Variants in RAPGEF5 observed in about 807,000 individuals in gnomAD.
RAPGEF5 encodes M-Ras-regulated GEF.
Under a neutral mutation model 125.2 loss-of-function variants are expected in RAPGEF5, and 65 were observed. That is an observed-to-expected ratio of 0.52 (90% CI 0.43 to 0.64). RAPGEF5 has a LOEUF of 0.64. Ranked by LOEUF, RAPGEF5 falls within the 30% of genes least tolerant of loss-of-function variation. RAPGEF5 has a pLI of 0.00. For synonymous variants in RAPGEF5, 391 were observed against 385.9 expected (o/e 1.01, Z -0.16); for missense variants, 958 against 1,048.1 (o/e 0.91, Z 1.19).
chr7:22,149,424 C>T (rs1351370760), intron 18 of RAPGEF5, among the ~76,000 whole-genome samples: 5 of 152,220 alleles, frequency 3.3e-5, no homozygotes, highest in Non-Finnish European at 7.3e-5. Flanking sequence ...GAGTTCCAGA[C>T]ACAATCGCAA....
intron 1 of RAPGEF5, among the ~76,000 whole-genome samples, chr7:22,345,037 C>T (rs1784196425): frequency 6.6e-6 from 1 of 152,182 alleles, no homozygotes. Context: ...GATGATTGGG[C>T]CCTGTCCATG....
intron 6 of RAPGEF5, among the ~76,000 whole-genome samples, chr7:22,287,711 A>G (rs1782829994): frequency 6.6e-6 from 1 of 152,192 alleles, no homozygotes; most frequent in South Asian, 2.1e-4. Context: ...CTTTCTGCAC[A>G]CACTATCACC....
intron 7 of RAPGEF5, among the ~76,000 whole-genome samples, chr7:22,258,285 C>T (rs1438085104): frequency 6.6e-6 from 1 of 152,112 alleles, no homozygotes; most frequent in Non-Finnish European, 1.5e-5. Context: ...CAATACTTAA[C>T]GTAAAGGTAC....
At chr7:22,171,407 G>C (rs1322415713) in intron 11 of RAPGEF5, among the ~76,000 whole-genome samples, 1 of 152,132 alleles carries the variant, frequency 6.6e-6, no homozygotes, top group East Asian at 1.9e-4. Flanking sequence ...TTAACACTCT[G>C]AGTAAAAAAA....
intron 20 of RAPGEF5, among the ~76,000 whole-genome samples, chr7:22,144,475 G>A (rs1428429402): frequency 1.3e-5 from 2 of 152,198 alleles, no homozygotes; most frequent in Non-Finnish European, 2.9e-5. Flanking sequence ...GGTGCAAGTG[G>A]CCATTCCTGG....
chr7:22,345,260 A>G (rs1238649275), intron 1 of RAPGEF5, among the ~76,000 whole-genome samples: 1 of 152,210 alleles, frequency 6.6e-6, no homozygotes, highest in Non-Finnish European at 1.5e-5. Context: ...CTTCAGCAGG[A>G]TACCAATTGT....
At chr7:22,245,529 G>C (rs1234945019) in intron 7 of RAPGEF5, among the ~76,000 whole-genome samples, 1 of 151,876 alleles carries the variant, frequency 6.6e-6, no homozygotes, top group Admixed American at 6.6e-5. Flanking sequence ...TCTTCTGCTT[G>C]AGGATATCCA....
intron 25 of RAPGEF5, chr7:22,125,250 C>T (rs762411493): frequency 1.6e-5 from 3 of 192,184 alleles, no homozygotes; most frequent in Admixed American, 1.2e-4. Flanking sequence ...GCAAGGTCAC[C>T]CCTGCTAAAC....
chr7:22,128,788 T>G (rs1782826014), intron 24 of RAPGEF5, among the ~76,000 whole-genome samples: 1 of 152,238 alleles, frequency 6.6e-6, no homozygotes, highest in Non-Finnish European at 1.5e-5. Flanking sequence ...CGTGCCTGCC[T>G]GACGGGCTTG....
At chr7:22,177,643 AC>A (rs1784550054) in intron 11 of RAPGEF5, among the ~76,000 whole-genome samples, 1 of 152,234 alleles carries the variant, frequency 6.6e-6, no homozygotes, top group Non-Finnish European at 1.5e-5. Context: ...TAAGGGCTTT[AC>A]CTACATGGCC....
chr7:22,162,624 G>C, intron 12 of RAPGEF5, 83 bp from the exon 13 acceptor site: 1 of 1,296,686 alleles, frequency 7.7e-7, no homozygotes, highest in Non-Finnish European at 1.1e-6. Flanking sequence ...TACAAAATAT[G>C]TGAAGGCATA....
At chr7:22,288,844 C>T (rs1782863524) in intron 6 of RAPGEF5, among the ~76,000 whole-genome samples, 1 of 152,184 alleles carries the variant, frequency 6.6e-6, no homozygotes, top group South Asian at 2.1e-4. Flanking sequence ...AGCCTCTAAC[C>T]AATCTCCCTA....
At chr7:22,213,445 C>T (rs1785556440) in intron 9 of RAPGEF5, among the ~76,000 whole-genome samples, 1 of 152,186 alleles carries the variant, frequency 6.6e-6, no homozygotes, top group Admixed American at 6.5e-5. Flanking sequence ...TAAATGCTGT[C>T]TTGAATGGTT....
intron 1 of RAPGEF5, among the ~76,000 whole-genome samples, chr7:22,346,991 T>A (rs939474326): frequency 6.6e-6 from 1 of 152,196 alleles, no homozygotes; most frequent in Non-Finnish European, 1.5e-5. Flanking sequence ...TAATGTCATT[T>A]AGTTATATTC....
At chr7:22,242,758 C>A (rs369663095) in intron 7 of RAPGEF5, among the ~76,000 whole-genome samples, 10 of 152,062 alleles carry the variant, frequency 6.6e-5, no homozygotes, top group African/African-American at 2.4e-4. Context: ...TCGAGACCAG[C>A]CTGACCAACA....
intron 5 of RAPGEF5, among the ~76,000 whole-genome samples, chr7:22,303,581 G>A (rs1266564599): frequency 6.6e-6 from 1 of 152,252 alleles, no homozygotes; most frequent in Non-Finnish European, 1.5e-5. Flanking sequence ...CAAATTAGAG[G>A]GGCCTAATGT....
chr7:22,329,919 C>A (rs139635506), intron 1 of RAPGEF5, among the ~76,000 whole-genome samples: 1 of 152,304 alleles, frequency 6.6e-6, no homozygotes, highest in African/African-American at 2.4e-5. Context: ...AGCTGCATGG[C>A]CAGCTCTCTC....
Position 22,184,686 on chromosome 7 carries a change from CTCACT to C in RAPGEF5, c.1204+8676_1204+8680del, listed in dbSNP as rs139944697. On this transcript the variant is annotated intron_variant, in intron 11 of 25. Transcript: ENST00000665637. ...TAATGATCTTATGCTTCAGCTGGGTCTCACTTCACTTCACCTTGCTTCATTAACAA... is the reference window on the plus strand; with the variant it reads ...TAATGATCTTATGCTTCAGCTGGGTCTCACTTCACCTTGCTTCATTAACAA... Among the ~76,000 whole-genome samples the C allele has an allele frequency of 6.5e-4, 99 of 152,252 alleles. 1 individual carries two copies. In the East Asian group the frequency reaches 0.017, roughly 26 times the overall value.
chr7:22,146,356 C>T (rs1415437204), intron 19 of RAPGEF5, among the ~76,000 whole-genome samples: 1 of 152,152 alleles, frequency 6.6e-6, no homozygotes, highest in Non-Finnish European at 1.5e-5. Flanking sequence ...TGCTATTTCC[C>T]AATCTATTGT....
Sources: gnomAD v4.1 joint callset for allele counts (sites outside exome capture counted in the v4.1 genomes callset) on GRCh38, gnomAD v4.1.1 for gene constraint, MANE v1.5 for transcripts, NCBI Gene and HGNC (gene_info 2026-07-23, HGNC 2026-07-21) for gene names.